Variants in CYP2C19 observed in about 807,000 individuals in gnomAD.
The protein encoded by CYP2C19 is cytochrome P450 family 2 subfamily C member 19, also known as cytochrome P450 2C19.
In CYP2C19, 59 loss-of-function variants were observed where a neutral mutation model predicts 40.9. That is an observed-to-expected ratio of 1.44 (90% CI 1.17 to 1.79). The LOEUF (loss-of-function observed/expected upper bound fraction) is 1.79, where lower values mean the gene tolerates loss of function less well. Among genes scored for constraint, CYP2C19 ranks in the 40% most tolerant of loss-of-function variants. The probability of loss-of-function intolerance (pLI) is 0.00; values close to 1 mark genes in which losing one functional copy is unlikely to be tolerated. For synonymous variants in CYP2C19, 253 were observed against 208.7 expected (o/e 1.21, Z -1.83); for missense variants, 754 against 596.9 (o/e 1.26, Z -2.74).
intron 7 of CYP2C19, among the ~76,000 whole-genome samples, chr10:94,846,087 C>A (rs1849569083): frequency 1.3e-5 from 2 of 151,958 alleles, no homozygotes; most frequent in African/African-American, 4.8e-5. Context: ...TAAAATTTCC[C>A]AATTCTTAAG....
At chr10:94,780,782 C>T in intron 4 of CYP2C19, 123 bp downstream of exon 4, 1 of 1,049,428 alleles carries the variant, frequency 9.5e-7, no homozygotes, top group Non-Finnish European at 1.4e-6. Context: ...GCCTAGACAG[C>T]CATGGGGTGA....
chr10:94,786,273 A>G (rs1188378143), intron 5 of CYP2C19, among the ~76,000 whole-genome samples: 1 of 152,078 alleles, frequency 6.6e-6, no homozygotes, highest in Non-Finnish European at 1.5e-5. Context: ...TTCTGGAAAA[A>G]GGTCACGGGT....
chr10:94,836,162 G>A (rs1849400429), intron 6 of CYP2C19, among the ~76,000 whole-genome samples: 4 of 152,200 alleles, frequency 2.6e-5, no homozygotes, highest in Admixed American at 2.6e-4. Flanking sequence ...TTGTCTGACA[G>A]CCACAAGTCT....
chr10:94,778,409 A>G (rs1357668859), intron 3 of CYP2C19, among the ~76,000 whole-genome samples: 1 of 152,048 alleles, frequency 6.6e-6, no homozygotes, highest in African/African-American at 2.4e-5. Context: ...ACTTTCTCCC[A>G]CCACTCTGAT....
intron 1 of CYP2C19, among the ~76,000 whole-genome samples, chr10:94,770,846 C>G (rs146317415): frequency 2.6e-5 from 4 of 152,108 alleles, no homozygotes; most frequent in African/African-American, 9.7e-5. Flanking sequence ...TGATCTGAGT[C>G]GAGGTCCCAG....
chr10:94,779,872 C>T (rs1365936521), intron 3 of CYP2C19, among the ~76,000 whole-genome samples: 2 of 152,082 alleles, frequency 1.3e-5, no homozygotes, highest in African/African-American at 4.8e-5. Flanking sequence ...ATTTACTTTT[C>T]CTTGTTTGCC....
At chr10:94,842,704 A>G (rs1433543003) in intron 6 of CYP2C19, 133 bp from the exon 7 acceptor site, 4 of 1,024,092 alleles carry the variant, frequency 3.9e-6, no homozygotes, top group South Asian at 3.1e-5. Context: ...TAAGTTACAC[A>G]TACTTCCAGC....
chr10:94,809,006 C>T (rs1277462355), intron 5 of CYP2C19, among the ~76,000 whole-genome samples: 1 of 152,118 alleles, frequency 6.6e-6, no homozygotes, highest in Admixed American at 6.5e-5. Flanking sequence ...TGAGGAACCT[C>T]CAAATCTTGC....
chr10:94,801,304 A>G (rs1170273460), intron 5 of CYP2C19, among the ~76,000 whole-genome samples: 1 of 152,124 alleles, frequency 6.6e-6, no homozygotes, highest in Non-Finnish European at 1.5e-5. Flanking sequence ...CTTTGTTCTC[A>G]TTGGTTTCAA....
chr10:94,841,196 G>A (rs1477665663), intron 6 of CYP2C19, among the ~76,000 whole-genome samples: 1 of 152,184 alleles, frequency 6.6e-6, no homozygotes, highest in African/African-American at 2.4e-5. Flanking sequence ...AAAGCTGTGG[G>A]TCATGGAAGA....
At chr10:94,795,134 C>T (rs1415450431) in intron 5 of CYP2C19, among the ~76,000 whole-genome samples, 1 of 148,896 alleles carries the variant, frequency 6.7e-6, no homozygotes, top group Admixed American at 6.7e-5. Context: ...AGGTATATCT[C>T]CTAATGTTAT....
At chr10:94,804,726 T>C (rs973154471) in intron 5 of CYP2C19, among the ~76,000 whole-genome samples, 3 of 152,166 alleles carry the variant, frequency 2.0e-5, no homozygotes, top group Non-Finnish European at 4.4e-5. Context: ...TTGTCCACAT[T>C]TTCCTCCCCA....
chr10:94,780,248 C>A (rs549575592), intron 3 of CYP2C19, among the ~76,000 whole-genome samples: 82 of 152,088 alleles, frequency 5.4e-4, no homozygotes, highest in Non-Finnish European at 8.7e-4. Context: ...AAGTAAAAGA[C>A]AAATAGGCCG....
chr10:94,772,220 TC>T (rs150733206), intron 1 of CYP2C19, among the ~76,000 whole-genome samples: 1,652 of 152,210 alleles, frequency 0.011, 29 homozygotes, highest in African/African-American at 0.038. Context: ...TATCCTAGCT[TC>T]AGGAATAGTT....
chr10:94,844,329 A>G (rs548855155), intron 7 of CYP2C19, among the ~76,000 whole-genome samples: 23 of 152,328 alleles, frequency 1.5e-4, no homozygotes, highest in African/African-American at 5.3e-4. Context: ...ATAATGACAT[A>G]ACACATGTTG....
rs927400682 is a variant in CYP2C19, at chr10:94,853,176, A to G, written c.*262A>G. 4 of 456,134 alleles carry G rather than the reference A, an allele frequency of 8.8e-6. No homozygotes were observed. The highest frequency in any genetic ancestry group is 8.0e-5 in the African/African-American group (4 of 50,288). 28.3% of individuals were successfully genotyped at this position (456,134 alleles called of 1,614,324 possible). A position where few individuals can be genotyped will look rare whatever the true frequency, so the allele number is the denominator to read the frequency against. ...GTTGAGTTATTAACATATTATTATT[A>G]AATAGAGAAAGATGATTTGTGTATT... On this transcript the variant is annotated 3_prime_UTR_variant, in exon 9 of 9. Coordinates refer to ENST00000371321, the MANE Select transcript of CYP2C19 (RefSeq NM_000769.4).
chr10:94,849,705 C>T (rs1485756806), intron 7 of CYP2C19, among the ~76,000 whole-genome samples: 3 of 138,006 alleles, frequency 2.2e-5, no homozygotes, highest in Non-Finnish European at 4.6e-5. Context: ...TTGTTCAATT[C>T]CTGATTGTGG....
intron 1 of CYP2C19, chr10:94,774,340 T>C (rs1451813066): frequency 6.6e-6 from 1 of 152,184 alleles, no homozygotes. Flanking sequence ...TTTAGATCAG[T>C]TTGGCACAGA....
intron 6 of CYP2C19, among the ~76,000 whole-genome samples, chr10:94,838,432 C>T (rs962687335): frequency 1.3e-5 from 2 of 152,176 alleles, no homozygotes; most frequent in African/African-American, 4.8e-5. Flanking sequence ...ATTGCCCTAA[C>T]CCTTATAAAA....
Sources: gnomAD v4.1 joint callset for allele counts (sites outside exome capture counted in the v4.1 genomes callset) on GRCh38, gnomAD v4.1.1 for gene constraint, MANE v1.5 for transcripts, NCBI Gene and HGNC (gene_info 2026-07-23, HGNC 2026-07-21) for gene names.